The following CARMIL1 variants were observed in gnomAD, a reference collection of about 807,000 sequenced individuals.
CARMIL1 encodes F-actin-uncapping protein LRRC16A.
In CARMIL1, 90 loss-of-function variants were observed where a neutral mutation model predicts 177.1. The observed-to-expected ratio is 0.51, with a 90% CI of 0.43 to 0.61. The LOEUF is 0.61. CARMIL1 is among the 20% of genes least tolerant of loss of function. The pLI, the probability that CARMIL1 is intolerant of heterozygous loss-of-function variation, is 0.00. For synonymous variants in CARMIL1, 577 were observed against 606.2 expected (o/e 0.95, Z 0.71); for missense variants, 1,380 against 1,667.0 (o/e 0.83, Z 3.00).
At chr6:25,343,885 C>T (rs1005631431) in intron 2 of CARMIL1, among the ~76,000 whole-genome samples, 2 of 152,056 alleles carry the variant, frequency 1.3e-5, no homozygotes, top group African/African-American at 2.4e-5. Flanking sequence ...GGGGTAGCCT[C>T]GTCTATGCTA....
At chr6:25,288,082 G>A (rs1173827361) in intron 2 of CARMIL1, among the ~76,000 whole-genome samples, 3 of 152,162 alleles carry the variant, frequency 2.0e-5, no homozygotes, top group African/African-American at 7.2e-5. Flanking sequence ...AGCACGGAGA[G>A]GAACTCCCAA....
chr6:25,515,320 A>G lies in CARMIL1; in HGVS notation c.1633-355A>G, dbSNP rs1214499065. On this transcript the variant is annotated intron_variant, in intron 20 of 36. Coordinates refer to ENST00000329474, the MANE Select transcript of CARMIL1 (RefSeq NM_017640.6). This position sits in a 1 kb window ranked among gnomAD's most constrained non-coding sequence, Gnocchi z 5.0. Reference sequence around the variant, plus strand: ...TCATTTCACCTTGTATAAAAATAAAATGGGTATAAAGGGTGATCATATTAA... The same window carrying G: ...TCATTTCACCTTGTATAAAAATAAAGTGGGTATAAAGGGTGATCATATTAA... Among the ~76,000 whole-genome samples the G allele has an allele frequency of 1.3e-5, 2 of 151,794 alleles. No homozygotes were observed. The highest frequency in any genetic ancestry group is 2.9e-5 in the Non-Finnish European group (2 of 68,000).
chr6:25,614,548 G>A (rs760221535), intron 36 of CARMIL1, among the ~76,000 whole-genome samples: 6 of 152,172 alleles, frequency 3.9e-5, no homozygotes, highest in Non-Finnish European at 8.8e-5. Context: ...TTGAGAATTT[G>A]TTAGGCCAGA....
chr6:25,303,700 G>A (rs1783047191), intron 2 of CARMIL1, among the ~76,000 whole-genome samples: 2 of 152,190 alleles, frequency 1.3e-5, no homozygotes, highest in African/African-American at 4.8e-5. Context: ...CTGCTTTAAC[G>A]CTGTACAAAT....
At chr6:25,512,589 A>C (rs772579080) in intron 20 of CARMIL1, among the ~76,000 whole-genome samples, 1 of 152,206 alleles carries the variant, frequency 6.6e-6, no homozygotes, top group African/African-American at 2.4e-5. Context: ...TTTACATGTT[A>C]AAAAATAATC....
chr6:25,402,915 T>C (rs1410148807), intron 2 of CARMIL1, among the ~76,000 whole-genome samples: 6 of 152,140 alleles, frequency 3.9e-5, no homozygotes, highest in Non-Finnish European at 7.4e-5. Context: ...CAATATACAT[T>C]TGAAATTATT....
intron 36 of CARMIL1, among the ~76,000 whole-genome samples, chr6:25,618,371 TC>T (rs1759459943): frequency 6.6e-6 from 1 of 152,190 alleles, no homozygotes; most frequent in Non-Finnish European, 1.5e-5. Context: ...CATTGGAACT[TC>T]CGAGTGATGA....
chr6:25,502,436 TC>T (rs1196478360), intron 17 of CARMIL1, among the ~76,000 whole-genome samples: 1 of 151,622 alleles, frequency 6.6e-6, no homozygotes, highest in Non-Finnish European at 1.5e-5. Context: ...GTGCCTGTAA[TC>T]CCAGCTACTT....
chr6:25,297,880 T>C (rs1246200604), intron 2 of CARMIL1, among the ~76,000 whole-genome samples: 1 of 152,218 alleles, frequency 6.6e-6, no homozygotes, highest in Non-Finnish European at 1.5e-5. Context: ...GAGATGCTTG[T>C]GGTGATATAT....
chr6:25,384,697 A>G (rs1214423500), intron 2 of CARMIL1, among the ~76,000 whole-genome samples: 1 of 152,186 alleles, frequency 6.6e-6, no homozygotes, highest in East Asian at 1.9e-4. Context: ...CTTCTACCTC[A>G]TTGCCTCGTT....
At chr6:25,488,980 C>T (rs1245884864) in intron 13 of CARMIL1, among the ~76,000 whole-genome samples, 1 of 152,082 alleles carries the variant, frequency 6.6e-6, no homozygotes, top group African/African-American at 2.4e-5. Flanking sequence ...GCCTGGCCAA[C>T]ATGGTGAAAC....
intron 34 of CARMIL1, 148 bp downstream of exon 34, chr6:25,605,041 A>G (rs1815815676): frequency 1.5e-6 from 1 of 651,542 alleles, no homozygotes; most frequent in Non-Finnish European, 2.6e-6. Flanking sequence ...GAAAGACCAT[A>G]TCCCTTCACC....
At chr6:25,403,010 A>G (rs1794019894) in intron 2 of CARMIL1, among the ~76,000 whole-genome samples, 1 of 152,008 alleles carries the variant, frequency 6.6e-6, no homozygotes, top group Non-Finnish European at 1.5e-5. Flanking sequence ...TAATTTGATA[A>G]TCTTCAGAAT....
intron 5 of CARMIL1, among the ~76,000 whole-genome samples, chr6:25,441,438 A>G (rs751851318): frequency 1.8e-4 from 27 of 150,548 alleles, no homozygotes; most frequent in Admixed American, 4.0e-4. Context: ...GAAAAAAATG[A>G]AGGATTTAAA....
At chr6:25,381,498 C>T (rs1791535062) in intron 2 of CARMIL1, among the ~76,000 whole-genome samples, 1 of 152,202 alleles carries the variant, frequency 6.6e-6, no homozygotes, top group African/African-American at 2.4e-5. Context: ...GTCCAGGTCT[C>T]CTATACTTCT....
At chr6:25,559,299 C>T (rs1419423486) in intron 29 of CARMIL1, among the ~76,000 whole-genome samples, 1 of 152,160 alleles carries the variant, frequency 6.6e-6, no homozygotes, top group Non-Finnish European at 1.5e-5. Context: ...CCAGATATTT[C>T]AAGCTGTGAC....
At chr6:25,401,190 C>A (rs910958753) in intron 2 of CARMIL1, among the ~76,000 whole-genome samples, 1 of 151,992 alleles carries the variant, frequency 6.6e-6, no homozygotes, top group Non-Finnish European at 1.5e-5. Context: ...GCTTTTATAA[C>A]ATTGTTATGT....
intron 2 of CARMIL1, among the ~76,000 whole-genome samples, chr6:25,360,036 T>G (rs1789023006): frequency 1.3e-5 from 2 of 152,164 alleles, no homozygotes; most frequent in African/African-American, 4.8e-5. Flanking sequence ...ACTTCACAGG[T>G]GTATCACTGT....
chr6:25,511,544 A>G (rs1190133480), intron 20 of CARMIL1, among the ~76,000 whole-genome samples: 1 of 152,224 alleles, frequency 6.6e-6, no homozygotes, highest in East Asian at 1.9e-4. Flanking sequence ...TACTATGAAG[A>G]GTCACATTAC....
Sources: gnomAD v4.1 joint callset for allele counts (sites outside exome capture counted in the v4.1 genomes callset) on GRCh38, gnomAD v4.1.1 for gene constraint, Gnocchi (gnomAD v3.1) non-coding constraint, MANE v1.5 for transcripts, NCBI Gene and HGNC (gene_info 2026-07-23, HGNC 2026-07-21) for gene names.